The following SLCO5A1 variants were observed in gnomAD, a reference collection of about 807,000 sequenced individuals.
The protein encoded by SLCO5A1 is solute carrier organic anion transporter family member 5A1, also known as organic anion transporter polypeptide-related protein 4.
A neutral mutation model predicts 65.1 loss-of-function variants in SLCO5A1; 39 were observed. The ratio of observed to expected loss-of-function variants is 0.60; its 90% CI spans 0.46 to 0.78. The LOEUF (loss-of-function observed/expected upper bound fraction) is 0.78. Among genes scored for constraint, SLCO5A1 ranks in the 30% least tolerant of loss-of-function variants. SLCO5A1 has a pLI of 0.00. For synonymous variants in SLCO5A1, 438 were observed against 415.7 expected (o/e 1.05, Z -0.65); for missense variants, 1,029 against 1,069.4 (o/e 0.96, Z 0.53).
rs376485610 is a variant in SLCO5A1, at chr8:69,751,986, G to A, written c.1258+3438C>T. On this transcript the variant is annotated intron_variant, in intron 4 of 9. Coordinates refer to ENST00000260126, the MANE Select transcript of SLCO5A1 (RefSeq NM_030958.3). ...TGGCTCACACCTGTAATCCCAGCAC[G>A]TTGGGAGGCTGAGGCAGGCAGATCC... 1.4e-3 allele frequency among the ~76,000 whole-genome samples: 209 copies of A among 152,238 alleles called. 1 individual carries two copies. The highest frequency in any genetic ancestry group is 4.8e-3 in the African/African-American group (198 of 41,540).
chr8:69,752,294 T>C (rs913480700), intron 4 of SLCO5A1, among the ~76,000 whole-genome samples: 1 of 151,640 alleles, frequency 6.6e-6, no homozygotes, highest in African/African-American at 2.4e-5. Flanking sequence ...CTCCAGAAAA[T>C]AGAAGGGAAA....
At chr8:69,747,304 C>G (rs1421405440) in intron 4 of SLCO5A1, among the ~76,000 whole-genome samples, 1 of 152,136 alleles carries the variant, frequency 6.6e-6, no homozygotes, top group East Asian at 1.9e-4. Context: ...TCTCATGAAA[C>G]TTCTTGATCC....
At position 69,737,507 on chromosome 8, in the gene SLCO5A1, A is replaced by G. The variant is rs185767546; in HGVS notation, c.1423+533T>C. On this transcript the variant is annotated intron_variant, in intron 5 of 9. Transcript: ENST00000260126. ...TGAAAGAAGATTTTAAGCACTAAGT[A>G]CTATGGGTATATGCATCAAAGTCTC... Among the ~76,000 whole-genome samples, 271 of 152,340 alleles carry G rather than the reference A, an allele frequency of 1.8e-3. 1 individual carries two copies. Among genetic ancestry groups the G allele is most frequent in the African/African-American group, 6.0e-3 (251 of 41,572 alleles).
At chr8:69,673,508 T>C (rs1030188757) in intron 9 of SLCO5A1, among the ~76,000 whole-genome samples, 182 bp from the exon 10 acceptor site, 3 of 152,188 alleles carry the variant, frequency 2.0e-5, no homozygotes, top group Non-Finnish European at 2.9e-5. Context: ...CATAAAAGCA[T>C]TCACTATATG....
chr8:69,786,289 A>G (rs1466372183), intron 2 of SLCO5A1, among the ~76,000 whole-genome samples: 1 of 152,206 alleles, frequency 6.6e-6, no homozygotes, highest in East Asian at 1.9e-4. Context: ...ATATGTGACA[A>G]CTGTTTAGCT....
chr8:69,700,695 C>A (rs2130806465), intron 6 of SLCO5A1, among the ~76,000 whole-genome samples: 1 of 151,990 alleles, frequency 6.6e-6, no homozygotes, highest in East Asian at 1.9e-4. Context: ...AAAAGCCAGA[C>A]TTCCAAAAAG....
intron 2 of SLCO5A1, chr8:69,794,262 G>T: frequency 2.1e-6 from 1 of 479,090 alleles, no homozygotes; most frequent in South Asian, 1.7e-5. Context: ...ACCAGAATGG[G>T]AAAGTTTTGC....
intron 2 of SLCO5A1, 101 bp downstream of exon 2, chr8:69,831,666 T>C: frequency 7.9e-7 from 1 of 1,269,070 alleles, no homozygotes; most frequent in Admixed American, 2.3e-5. Context: ...TAATCTATAA[T>C]ATACATGAAA....
At chr8:69,777,568 T>A (rs529776607) in intron 2 of SLCO5A1, among the ~76,000 whole-genome samples, 35 of 152,232 alleles carry the variant, frequency 2.3e-4, no homozygotes, top group African/African-American at 7.7e-4. Context: ...CTTTCCAATA[T>A]AACAATTACC....
chr8:69,701,070 T>A (rs1480797131), intron 6 of SLCO5A1, among the ~76,000 whole-genome samples: 1 of 152,088 alleles, frequency 6.6e-6, no homozygotes, highest in Non-Finnish European at 1.5e-5. Context: ...GTAGGGGGAC[T>A]GTGGGCCCTG....
chr8:69,729,293 C>T (rs757881221), intron 5 of SLCO5A1, among the ~76,000 whole-genome samples: 9 of 151,314 alleles, frequency 5.9e-5, no homozygotes, highest in Non-Finnish European at 1.2e-4. Context: ...AAATACAAAA[C>T]ATTAGCCGGG....
intron 6 of SLCO5A1, among the ~76,000 whole-genome samples, chr8:69,682,933 G>C (rs1035052764): frequency 1.3e-5 from 2 of 152,146 alleles, no homozygotes; most frequent in African/African-American, 4.8e-5. Flanking sequence ...TTGCTAGTTT[G>C]ATTTAAACAA....
Position 69,670,433 on chromosome 8 carries a change from C to T in SLCO5A1, c.*2436G>A, listed in dbSNP as rs76341838. The stretch of plus-strand genomic sequence containing the variant: ...CTCTTAATTGGTACATATTCCAAAG[C>T]TTTATTTTCTCATGATTTTTACTAC... On this transcript the variant is annotated 3_prime_UTR_variant, in exon 10 of 10. Transcript: ENST00000260126. The T allele has an allele frequency of 0.037, 5,709 of 152,300 alleles. 110 individuals are homozygous for T. The highest frequency in any genetic ancestry group is 0.073 in the South Asian group (351 of 4,828). 9.4% of individuals were successfully genotyped at this position (152,300 alleles called of 1,614,324 possible).
At chr8:69,753,546 T>C (rs1042479752) in intron 4 of SLCO5A1, among the ~76,000 whole-genome samples, 5 of 152,238 alleles carry the variant, frequency 3.3e-5, no homozygotes, top group Non-Finnish European at 5.9e-5. Flanking sequence ...GCAACAGTTG[T>C]ATCTGCTGTT....
At chr8:69,676,339 C>T (rs1483402790) in intron 9 of SLCO5A1, among the ~76,000 whole-genome samples, 1 of 152,160 alleles carries the variant, frequency 6.6e-6, no homozygotes, top group African/African-American at 2.4e-5. Context: ...CTATTTCTTA[C>T]TGTGCAAAAT....
chr8:69,785,252 T>C (rs570215672), intron 2 of SLCO5A1, among the ~76,000 whole-genome samples: 2 of 152,288 alleles, frequency 1.3e-5, no homozygotes, highest in South Asian at 2.1e-4. Context: ...GATTGCACAA[T>C]GGCACAAGCA....
chr8:69,833,926 T>G (rs1160391130), intron 1 of SLCO5A1: 1 of 152,162 alleles, frequency 6.6e-6, no homozygotes, highest in Non-Finnish European at 1.5e-5. Context: ...TGCCGAGAGC[T>G]AGGGAAGCCA....
At chr8:69,802,164 G>T (rs1473202339) in intron 2 of SLCO5A1, among the ~76,000 whole-genome samples, 1 of 152,114 alleles carries the variant, frequency 6.6e-6, no homozygotes, top group African/African-American at 2.4e-5. Flanking sequence ...TAATAATGGG[G>T]ATCAGCACGA....
At chr8:69,730,743 A>T (rs937284771) in intron 5 of SLCO5A1, among the ~76,000 whole-genome samples, 2 of 152,036 alleles carry the variant, frequency 1.3e-5, no homozygotes, top group African/African-American at 4.8e-5. Flanking sequence ...ATGAGCATGA[A>T]CTCTGTAATT....
Sources: gnomAD v4.1 joint callset for allele counts (sites outside exome capture counted in the v4.1 genomes callset) on GRCh38, gnomAD v4.1.1 for gene constraint, MANE v1.5 for transcripts, NCBI Gene and HGNC (gene_info 2026-07-23, HGNC 2026-07-21) for gene names.